RFX4: variants seen among roughly 807,000 people sequenced by gnomAD.
RFX4 encodes the protein regulatory factor X4.
A neutral mutation model predicts 95.0 loss-of-function variants in RFX4; 10 were observed. That is an observed-to-expected ratio of 0.11 (90% CI 0.06 to 0.18). RFX4 has a LOEUF of 0.18. Ranked by LOEUF, RFX4 falls within the 10% of genes least tolerant of loss-of-function variation. The pLI, the probability that RFX4 is intolerant of heterozygous loss-of-function variation, is 1.00. For synonymous variants in RFX4, 321 were observed against 340.7 expected (o/e 0.94, Z 0.64); for missense variants, 640 against 922.0 (o/e 0.69, Z 3.96).
intron 15 of RFX4, among the ~76,000 whole-genome samples, chr12:106,739,998 G>A (rs1187891997): frequency 6.6e-6 from 1 of 152,076 alleles, no homozygotes; most frequent in African/African-American, 2.4e-5. Flanking sequence ...CTGTCCCATC[G>A]GGCCACCGAA....
chr12:106,642,112 G>T (rs1391702399), intron 3 of RFX4, among the ~76,000 whole-genome samples: 1 of 151,984 alleles, frequency 6.6e-6, no homozygotes, highest in Non-Finnish European at 1.5e-5. Context: ...TTGGGTTCAA[G>T]TGATTCTCCT....
chr12:106,718,143 C>T (rs904664862), intron 11 of RFX4, among the ~76,000 whole-genome samples: 1 of 152,126 alleles, frequency 6.6e-6, no homozygotes, highest in African/African-American at 2.4e-5. Flanking sequence ...GGCTGGGATC[C>T]CTGGGGCTGG....
intron 2 of RFX4, among the ~76,000 whole-genome samples, chr12:106,631,588 C>T (rs965205750): frequency 1.2e-4 from 18 of 152,300 alleles, no homozygotes; most frequent in Admixed American, 7.8e-4. Context: ...TCCCTCACCC[C>T]TTCTGCCATG....
chr12:106,688,033 T>C (rs1051333922), intron 6 of RFX4, among the ~76,000 whole-genome samples: 17 of 152,042 alleles, frequency 1.1e-4, no homozygotes, highest in African/African-American at 4.1e-4. Context: ...AAAAATAAAT[T>C]TGGGGAAGTT....
At chr12:106,698,866 T>G (rs1000998549) in intron 8 of RFX4, among the ~76,000 whole-genome samples, 190 of 152,216 alleles carry the variant, frequency 1.2e-3, no homozygotes, top group Non-Finnish European at 1.4e-3. Context: ...AAAAATAGCT[T>G]TTGGTTTCTC....
At position 106,721,585 on chromosome 12, in the gene RFX4, T is replaced by C. The variant is rs185147173; in HGVS notation, c.1351+709T>C. Among the ~76,000 whole-genome samples, 404 of 152,342 alleles carry C rather than the reference T, an allele frequency of 2.7e-3. 1 individual carries two copies. The highest frequency in any genetic ancestry group is 9.0e-3 in the African/African-American group (373 of 41,592). Reference sequence around the variant, plus strand: ...ACTTTTCACCAGAAAGAAAGCAGTATGTACTGAGTCCAGGTCATCATTGGC... The same window carrying C: ...ACTTTTCACCAGAAAGAAAGCAGTACGTACTGAGTCCAGGTCATCATTGGC... On this transcript the variant is annotated intron_variant, in intron 13 of 17. Transcript: ENST00000392842.
At position 106,624,797 on chromosome 12, in the gene RFX4, A is replaced by C. The variant is rs540933458; in HGVS notation, c.131-14535A>C. On this transcript the variant is annotated intron_variant, in intron 2 of 17. Coordinates refer to ENST00000392842, the MANE Select transcript of RFX4 (RefSeq NM_213594.3). ...AAAATCATGGTTTACCTCTTGGGCTATCATAATATTGCCTTGGATAAAACT... is the reference window on the plus strand; with the variant it reads ...AAAATCATGGTTTACCTCTTGGGCTCTCATAATATTGCCTTGGATAAAACT... Among the ~76,000 whole-genome samples, 152 of 152,340 alleles carry C rather than the reference A, an allele frequency of 1.0e-3. 1 individual carries two copies. The highest frequency in any genetic ancestry group is 1.2e-3 in the Non-Finnish European group (82 of 68,028).
intron 4 of RFX4, among the ~76,000 whole-genome samples, chr12:106,655,289 T>C (rs1045902134): frequency 3.3e-5 from 5 of 152,166 alleles, no homozygotes; most frequent in Admixed American, 1.3e-4. Context: ...CTGTGATGAC[T>C]TGGGGAGGAA....
intron 2 of RFX4, among the ~76,000 whole-genome samples, chr12:106,623,617 G>A (rs2040230234): frequency 1.3e-5 from 2 of 152,144 alleles, no homozygotes; most frequent in Non-Finnish European, 2.9e-5. Flanking sequence ...TTACTTACGA[G>A]GGAAAAAACC....
intron 2 of RFX4, among the ~76,000 whole-genome samples, chr12:106,617,962 A>G (rs2040106898): frequency 6.6e-6 from 1 of 152,062 alleles, no homozygotes; most frequent in Non-Finnish European, 1.5e-5. Flanking sequence ...CCTGACCTCA[A>G]GTGATCCACC....
At chr12:106,635,006 T>C (rs2040483349) in intron 2 of RFX4, among the ~76,000 whole-genome samples, 1 of 152,242 alleles carries the variant, frequency 6.6e-6, no homozygotes, top group Non-Finnish European at 1.5e-5. Flanking sequence ...ATTCAATAAA[T>C]ATTTGTTGAA....
intron 16 of RFX4, among the ~76,000 whole-genome samples, chr12:106,748,493 C>G (rs886780026): frequency 3.9e-5 from 6 of 152,020 alleles, no homozygotes; most frequent in Non-Finnish European, 8.8e-5. Flanking sequence ...TTTTCTTTTT[C>G]AAATACGTGG....
At chr12:106,670,851 AAAAG>A (rs754382548) in intron 4 of RFX4, among the ~76,000 whole-genome samples, 6 of 152,218 alleles carry the variant, frequency 3.9e-5, no homozygotes, top group Non-Finnish European at 8.8e-5. Context: ...GTTTATTGTC[AAAAG>A]AAAGAAAGTG....
At chr12:106,663,672 A>T (rs1178363181) in intron 4 of RFX4, among the ~76,000 whole-genome samples, 1 of 151,878 alleles carries the variant, frequency 6.6e-6, no homozygotes, top group African/African-American at 2.4e-5. Flanking sequence ...TCTTATCATT[A>T]AGTATAATGT....
At chr12:106,679,475 A>AT (rs2041463371) in intron 4 of RFX4, among the ~76,000 whole-genome samples, 1 of 150,510 alleles carries the variant, frequency 6.6e-6, no homozygotes, top group Non-Finnish European at 1.5e-5. Context: ...AAAAAAAAAA[A>AT]CCAAAAACCA....
At chr12:106,604,786 T>C (rs891293222) in intron 1 of RFX4, among the ~76,000 whole-genome samples, 4 of 152,182 alleles carry the variant, frequency 2.6e-5, no homozygotes, top group Admixed American at 6.5e-5. Context: ...TGACAAAGAA[T>C]ATGGAAATGA....
intron 4 of RFX4, among the ~76,000 whole-genome samples, chr12:106,672,386 G>A (rs970827189): frequency 6.6e-6 from 1 of 152,196 alleles, no homozygotes; most frequent in Non-Finnish European, 1.5e-5. Context: ...AAGAGAGAAG[G>A]GTGGGATTCA....
At chr12:106,583,473 G>A in intron 1 of RFX4, 110 bp downstream of exon 1, 1 of 987,312 alleles carries the variant, frequency 1.0e-6, no homozygotes, top group Non-Finnish European at 1.4e-6. Flanking sequence ...CTTGACAGTG[G>A]AACCCCAAAG....
At position 106,709,255 on chromosome 12, in the gene RFX4, T is replaced by C. The variant is rs1277153199; in HGVS notation, c.834-75T>C. On this transcript the variant is annotated intron_variant, in intron 8 of 17. Transcript: ENST00000392842. Reference sequence around the variant, plus strand: ...GCAGCCAAAACATGATTAGGGGAAATAAAACCCTCTAGGGGCCTGTGGGAG... The same window carrying C: ...GCAGCCAAAACATGATTAGGGGAAACAAAACCCTCTAGGGGCCTGTGGGAG... The C allele has an allele frequency of 3.4e-6, 4 of 1,191,856 alleles. No homozygotes were observed. The Admixed American group carries it at 9.2e-5, about 27-fold the overall frequency. The allele number at this position is 1,191,856 out of a possible 1,614,324, so 73.8% of individuals were successfully genotyped here. A position where few individuals can be genotyped will look rare whatever the true frequency, so the allele number is the denominator to read the frequency against.
Sources: gnomAD v4.1 joint callset for allele counts (sites outside exome capture counted in the v4.1 genomes callset) on GRCh38, gnomAD v4.1.1 for gene constraint, MANE v1.5 for transcripts, NCBI Gene and HGNC (gene_info 2026-07-23, HGNC 2026-07-21) for gene names.